The following AFF2 variants were observed in gnomAD, a reference collection of about 807,000 sequenced individuals.
The protein encoded by AFF2 is AF4/FMR2 family member 2.
AFF2 carries 14 observed loss-of-function variants against 76.9 expected under a neutral mutation model. That is an observed-to-expected ratio of 0.18 (90% CI 0.12 to 0.28). The LOEUF is 0.28. AFF2 is among the 10% of genes least tolerant of loss of function. AFF2 has a pLI of 1.00. For synonymous variants in AFF2, 398 were observed against 366.7 expected (o/e 1.09, Z -0.98); for missense variants, 868 against 1,001.1 (o/e 0.87, Z 1.79).
intron 1 of AFF2, among the ~76,000 whole-genome samples, chrX:148,538,239 C>T (rs2052808822): frequency 8.9e-6 from 1 of 112,625 alleles, no homozygotes; most frequent in African/African-American, 3.2e-5. Context: ...AGGCATTGTG[C>T]CTAATACAGT....
chrX:148,582,392 C>G (rs2053424405), intron 1 of AFF2, among the ~76,000 whole-genome samples: 1 of 111,395 alleles, frequency 9.0e-6, no homozygotes, highest in African/African-American at 3.3e-5. Context: ...ATTTTACCCA[C>G]AAACTAATTA....
intron 9 of AFF2, among the ~76,000 whole-genome samples, chrX:148,919,397 A>G (rs782719492): frequency 9.0e-6 from 1 of 111,153 alleles, no homozygotes; most frequent in East Asian, 2.8e-4. Flanking sequence ...TTCAATTTTC[A>G]ATAACCAGTG....
intron 8 of AFF2, among the ~76,000 whole-genome samples, chrX:148,901,524 G>C (rs782640899): frequency 5.4e-5 from 6 of 112,045 alleles, no homozygotes; most frequent in Non-Finnish European, 9.4e-5. Flanking sequence ...CTGTCTTGAT[G>C]TTTGGTGAAT....
chrX:148,751,210 A>C (rs2055495627), intron 3 of AFF2, among the ~76,000 whole-genome samples: 1 of 112,676 alleles, frequency 8.9e-6, no homozygotes, highest in South Asian at 3.7e-4. Flanking sequence ...AATTGCTAGT[A>C]TCACCAACAT....
At chrX:148,866,350 G>A (rs782788269) in intron 7 of AFF2, among the ~76,000 whole-genome samples, 10 of 111,790 alleles carry the variant, frequency 8.9e-5, no homozygotes, top group Admixed American at 4.7e-4. Flanking sequence ...TAAAGAAGCA[G>A]AAGCAAAAAG....
At chrX:148,765,946 G>C (rs1220141315) in intron 3 of AFF2, among the ~76,000 whole-genome samples, 4 of 101,512 alleles carry the variant, frequency 3.9e-5, no homozygotes, top group Admixed American at 2.3e-4. Flanking sequence ...TGAGTGAGAA[G>C]ATGTGGTGTT....
At chrX:148,963,468 A>T (rs2072135423) in intron 13 of AFF2, among the ~76,000 whole-genome samples, 1 of 112,302 alleles carries the variant, frequency 8.9e-6, no homozygotes, top group Non-Finnish European at 1.9e-5. Flanking sequence ...TGGGCCAATC[A>T]TGAAACATCT....
At chrX:148,744,993 G>A (rs1405656683) in intron 3 of AFF2, among the ~76,000 whole-genome samples, 1 of 111,511 alleles carries the variant, frequency 9.0e-6, no homozygotes, top group Non-Finnish European at 1.9e-5. Context: ...AGGAAATAAA[G>A]GATAGGCTAG....
chrX:148,648,741 A>C (rs1427016384), intron 1 of AFF2, among the ~76,000 whole-genome samples: 1 of 110,861 alleles, frequency 9.0e-6, no homozygotes, highest in African/African-American at 3.3e-5. Context: ...CCAAAAAGGT[A>C]ACCTGGAGAG....
chrX:148,855,910 T>C (rs941170931), intron 7 of AFF2, among the ~76,000 whole-genome samples: 8 of 112,314 alleles, frequency 7.1e-5, no homozygotes, highest in Non-Finnish European at 1.1e-4. Flanking sequence ...TAAACACTTT[T>C]ATTAATCATG....
At chrX:148,875,681 T>C (rs781985715) in intron 7 of AFF2, among the ~76,000 whole-genome samples, 2 of 111,835 alleles carry the variant, frequency 1.8e-5, no homozygotes, top group East Asian at 2.8e-4. Context: ...ATATTCCTTA[T>C]GCAAAAAGGG....
At chrX:148,695,325 C>T (rs2054707192) in intron 3 of AFF2, among the ~76,000 whole-genome samples, 1 of 111,998 alleles carries the variant, frequency 8.9e-6, no homozygotes, top group African/African-American at 3.2e-5. Context: ...GAATCTGTGC[C>T]ATTGGAAACA....
intron 12 of AFF2, among the ~76,000 whole-genome samples, chrX:148,959,202 C>G (rs1213143149): frequency 9.0e-6 from 1 of 111,642 alleles, no homozygotes; most frequent in Admixed American, 9.5e-5. Context: ...CTTGAGTCTT[C>G]TTCAGAGAAG....
intron 9 of AFF2, among the ~76,000 whole-genome samples, chrX:148,931,253 C>CAAAAA (rs782537927): frequency 4.6e-5 from 2 of 43,753 alleles, no homozygotes; most frequent in African/African-American, 9.1e-5. Flanking sequence ...GACTCTGTCT[C>CAAAAA]AAAAAAAAAA....
At position 148,809,848 on chromosome X, in the gene AFF2, C is replaced by T. The variant is rs1032456027; in HGVS notation, c.1042-28C>T. On this transcript the variant is annotated intron_variant, in intron 3 of 20. Transcript: ENST00000370460. ...TACAAGAAGAAGAAGTAGATTGTGC[C>T]TAATGTTTTCTGTTTATTTTGTTTC... The T allele has an allele frequency of 3.3e-6, 4 of 1,200,712 alleles. No individual in the cohort carries two copies. The Admixed American group carries it at 8.7e-5, about 26-fold the overall frequency.
At chrX:148,614,717 C>CT (rs781969985) in intron 1 of AFF2, among the ~76,000 whole-genome samples, 58 of 47,694 alleles carry the variant, frequency 1.2e-3, no homozygotes, top group Middle Eastern at 0.02. Context: ...TTCTTTCTTT[C>CT]TTTCTTTCTT....
chrX:148,781,997 G>T (rs1162695365), intron 3 of AFF2, among the ~76,000 whole-genome samples: 9 of 110,668 alleles, frequency 8.1e-5, no homozygotes, highest in Non-Finnish European at 1.3e-4. Context: ...GCTTCTGCTC[G>T]CCATCCTTGG....
chrX:148,551,482 GAAAAAAAA>G lies in AFF2; in HGVS notation c.47+50358_47+50365del, dbSNP rs781883999. ...AACTCTCCTCCAGATGCTGGGAAGT[GAAAAAAAA>G]AAAAAAAAAAAAAAAAAAAGAAGAA... is the stretch of plus-strand genomic sequence containing the variant. On this transcript the variant is annotated intron_variant, in intron 1 of 20. Transcript: ENST00000370460. Among the ~76,000 whole-genome samples the G allele has an allele frequency of 7.4e-4, 28 of 38,014 alleles. No homozygotes were observed. In the East Asian group the frequency reaches 9.3e-3, roughly 13 times the overall value. 33.0% of individuals were successfully genotyped at this position (38,014 alleles called of 115,157 possible).
rs1168347684 is a variant in AFF2 at position 148,936,270 on chromosome X, T to C, written c.1398-17310T>C. Among the ~76,000 whole-genome samples, 3 of 112,184 alleles carry C rather than the reference T, an allele frequency of 2.7e-5. No individual in the cohort carries two copies. The Admixed American group carries it at 2.8e-4, about 11-fold the overall frequency. Reference sequence around the variant, plus strand: ...TCTGTGGAGCACTGTCAAACCATATTAGTCCTATTTAATATCTGACATGCA... The same window carrying C: ...TCTGTGGAGCACTGTCAAACCATATCAGTCCTATTTAATATCTGACATGCA... On this transcript the variant is annotated intron_variant, in intron 9 of 20. Transcript: ENST00000370460.
Sources: allele counts gnomAD v4.1 joint callset (sites outside exome capture counted in the v4.1 genomes callset), GRCh38; gene constraint gnomAD v4.1.1; transcripts MANE v1.5; gene names NCBI Gene and HGNC (gene_info 2026-07-23, HGNC 2026-07-21).